Variants in MAGEA11 observed in about 807,000 individuals in gnomAD.
MAGEA11 encodes MAGE family member A11.
A neutral mutation model predicts 8.4 loss-of-function variants in MAGEA11; 1 was observed. That is an observed-to-expected ratio of 0.12 (90% CI 0.04 to 0.57). The LOEUF (loss-of-function observed/expected upper bound fraction) is 0.57. Among genes scored for constraint, MAGEA11 ranks in the 20% least tolerant of loss-of-function variants. The probability of loss-of-function intolerance (pLI) is 0.91; values close to 1 mark genes in which losing one functional copy is unlikely to be tolerated. For missense variants in MAGEA11, 209 were observed against 317.3 expected, an observed-to-expected ratio of 0.66 and a Z score of 2.59; for synonymous variants, 127 against 119.3, an observed-to-expected ratio of 1.06 and a Z score of -0.42.
At chrX:149,694,185 T>C (rs926513820) in intron 1 of MAGEA11, among the ~76,000 whole-genome samples, 2 of 112,337 alleles carry the variant, frequency 1.8e-5, no homozygotes, top group Non-Finnish European at 3.8e-5. Context: ...CTAGCAGTAG[T>C]GTATGAGGAT....
At chrX:149,691,789 A>G (rs1000642429) in intron 1 of MAGEA11, among the ~76,000 whole-genome samples, 1 of 112,477 alleles carries the variant, frequency 8.9e-6, no homozygotes, top group African/African-American at 3.2e-5. Flanking sequence ...TCAACTCAAA[A>G]AACATCAAGG....
At chrX:149,709,141 C>T (rs782134039), upstream of MAGEA11, among the ~76,000 whole-genome samples, 19 of 109,516 alleles carry the variant, frequency 1.7e-4, no homozygotes, top group South Asian at 8.2e-4. Context: ...AAAAATTAGC[C>T]GGGTGTGGTA....
At chrX:149,700,856 A>G (rs1557360954) in intron 1 of MAGEA11, among the ~76,000 whole-genome samples, 2 of 104,317 alleles carry the variant, frequency 1.9e-5, no homozygotes, top group Non-Finnish European at 3.9e-5. Flanking sequence ...GAGAATGATG[A>G]TTTCCAATTT....
At position 149,714,531 on chromosome X, in the gene MAGEA11, A is replaced by G. The variant is rs144265874; in HGVS notation, c.147A>G (p.Pro49=). The G allele has an allele frequency of 1.3e-3, 1,597 of 1,208,963 alleles. 24 individuals are homozygous for G. The African/African-American group carries it at 0.023, about 17-fold the overall frequency. ...EDDFQSTERA[P]YGPQLQWSQD... The stretch of plus-strand genomic sequence containing the variant: ...ACTTCCAGTCAACAGAAAGAGCCCC[A>G]TATGGTCCACAACTACAGTGGTCCC... Residue 49 remains proline, a synonymous_variant, in exon 3 of 5, where the codon CCA becomes CCG. Transcript: ENST00000355220.
At chrX:149,696,120 G>A (rs782338227) in intron 1 of MAGEA11, among the ~76,000 whole-genome samples, 21 of 111,421 alleles carry the variant, frequency 1.9e-4, no homozygotes, top group African/African-American at 2.9e-4. Context: ...CAGGTGATGC[G>A]GTTGGAGGAG....
intron 1 of MAGEA11, among the ~76,000 whole-genome samples, chrX:149,694,193 G>A (rs2090321323): frequency 1.8e-5 from 2 of 112,027 alleles, no homozygotes; most frequent in South Asian, 7.4e-4. Flanking sequence ...AGTGTATGAG[G>A]ATTCTAATTT....
Position 149,712,121 on chromosome X carries a change from A to C in MAGEA11, c.-59A>C, listed in dbSNP as rs1427265154. ...GCGTCTTTCTGAGGGGTGTCTTGAG[A>C]GTGGCAGAGGGCAGCGGGTCCAGGC... On this transcript the variant is annotated 5_prime_UTR_variant, in exon 1 of 5. Transcript: ENST00000355220. The C allele has an allele frequency of 4.1e-5, 31 of 750,797 alleles. No individual in the cohort carries two copies. Among genetic ancestry groups the C allele is most frequent in the Non-Finnish European group, 4.5e-5 (29 of 638,271 alleles). 61.9% of individuals were successfully genotyped at this position (750,797 alleles called of 1,213,427 possible).
intron 1 of MAGEA11, among the ~76,000 whole-genome samples, chrX:149,701,633 T>C (rs2090353905): frequency 9.1e-6 from 1 of 110,247 alleles, no homozygotes; most frequent in South Asian, 4.0e-4. Context: ...AGACATGAAG[T>C]CCTTGTCCAT....
rs1218181887 is a variant in MAGEA11 at position 149,716,122 on chromosome X, A to G, written c.636A>G (p.Ile212Met). The G allele has an allele frequency of 8.3e-7, 1 of 1,210,665 alleles. No individual in the cohort carries two copies. The highest frequency in any genetic ancestry group is 3.0e-5 in the East Asian group (1 of 33,781). Residue 212 changes from isoleucine to methionine, a missense_variant, in exon 5 of 5, where the codon ATA becomes ATG. Coordinates refer to ENST00000355220, the MANE Select transcript of MAGEA11 (RefSeq NM_005366.5). ...KEGPSTSPDL[I>M]DPESFSQDIL... ...GGCCAAGTACCTCGCCTGACCTGAT[A>G]GACCCTGAGTCCTTTTCCCAAGATA...
intron 1 of MAGEA11, among the ~76,000 whole-genome samples, chrX:149,690,844 T>A (rs1557360087): frequency 8.9e-6 from 1 of 111,866 alleles, no homozygotes; most frequent in East Asian, 2.8e-4. Flanking sequence ...TGGTGATAAA[T>A]TCATTCTAAT....
upstream of MAGEA11, among the ~76,000 whole-genome samples, chrX:149,708,895 A>G (rs1270296488): frequency 3.6e-5 from 4 of 110,924 alleles, no homozygotes; most frequent in African/African-American, 1.3e-4. Flanking sequence ...ATATTATACT[A>G]TACTATTTTA....
At chrX:149,706,605 T>C (rs1384265450) in intron 1 of MAGEA11, among the ~76,000 whole-genome samples, 1 of 112,529 alleles carries the variant, frequency 8.9e-6, no homozygotes, top group Non-Finnish European at 1.9e-5. Context: ...TGAACCATAA[T>C]ACTTTGGAAG....
At chrX:149,707,936 T>A (rs2124297703), upstream of MAGEA11, among the ~76,000 whole-genome samples, 1 of 112,782 alleles carries the variant, frequency 8.9e-6, no homozygotes, top group Admixed American at 9.4e-5. Flanking sequence ...ATTGCAATTT[T>A]AGAAAGGGTA....
intron 2 of MAGEA11, chrX:149,713,601 T>C (rs782264388): frequency 6.3e-6 from 1 of 157,752 alleles, no homozygotes; most frequent in African/African-American, 3.1e-5. Flanking sequence ...CAGGAGTAAA[T>C]CTGAATACCT....
chrX:149,704,559 T>C (rs994227363), intron 1 of MAGEA11, among the ~76,000 whole-genome samples: 17 of 112,176 alleles, frequency 1.5e-4, no homozygotes, highest in African/African-American at 5.5e-4. Context: ...AGTGAGAAGA[T>C]GGTGGAGCCT....
chrX:149,692,710 G>A (rs923032244), intron 1 of MAGEA11, among the ~76,000 whole-genome samples: 1 of 111,523 alleles, frequency 9.0e-6, no homozygotes, highest in East Asian at 2.8e-4. Flanking sequence ...TTAACATGTC[G>A]ATATGGTTTG....
chrX:149,696,314 G>C (rs782600713), intron 1 of MAGEA11, among the ~76,000 whole-genome samples: 72 of 109,983 alleles, frequency 6.5e-4, no homozygotes, highest in African/African-American at 2.3e-3. Context: ...GTGCCCTGGT[G>C]GTCATTCAGA....
intron 1 of MAGEA11, among the ~76,000 whole-genome samples, chrX:149,704,966 C>T (rs1367130874): frequency 8.9e-6 from 1 of 112,690 alleles, no homozygotes; most frequent in Non-Finnish European, 1.9e-5. Flanking sequence ...TTTGCACTGA[C>T]CCTCAGTCTG....
At position 149,716,053 on chromosome X, in the gene MAGEA11, T is replaced by C. The variant is rs200719649; in HGVS notation, c.567T>C (p.Phe189=). The change falls in exon 5 of 5, where the codon TTT becomes TTC. Residue 189 remains phenylalanine, a synonymous_variant. Coordinates refer to ENST00000355220, the MANE Select transcript of MAGEA11 (RefSeq NM_005366.5). Reference sequence around the variant, plus strand: ...CTCCCACTGCCATGGATGCCATCTTTGGGAGCCTATCTGATGAGGGCTCTG... The same window carrying C: ...CTCCCACTGCCATGGATGCCATCTTCGGGAGCCTATCTGATGAGGGCTCTG... ...SFSPTAMDAI[F]GSLSDEGSGS... The C allele has an allele frequency of 9.2e-5, 111 of 1,210,373 alleles. No individual in the cohort carries two copies. The highest frequency in any genetic ancestry group is 1.2e-4 in the Non-Finnish European group (103 of 895,326).
Sources: gnomAD v4.1 joint callset for allele counts (sites outside exome capture counted in the v4.1 genomes callset) on GRCh38, gnomAD v4.1.1 for gene constraint, MANE v1.5 for transcripts, NCBI Gene and HGNC (gene_info 2026-07-23, HGNC 2026-07-21) for gene names.